The following GATAD2B variants were observed in gnomAD, a reference collection of about 807,000 sequenced individuals.
The protein encoded by GATAD2B is GATA zinc finger domain containing 2B, also known as transcriptional repressor p66-beta.
GATAD2B carries 8 observed loss-of-function variants against 64.3 expected under a neutral mutation model. The observed-to-expected ratio is 0.12, with a 90% CI of 0.07 to 0.22. The LOEUF (loss-of-function observed/expected upper bound fraction) is 0.22. GATAD2B is among the 10% of genes least tolerant of loss of function. The pLI, the probability that GATAD2B is intolerant of heterozygous loss-of-function variation, is 1.00. For missense variants in GATAD2B, 453 were observed against 752.0 expected (o/e 0.60, Z 4.65); for synonymous variants, 281 against 271.3 (o/e 1.04, Z -0.35).
chr1:153,858,287 G>C (rs1009931968), intron 1 of GATAD2B, among the ~76,000 whole-genome samples: 4 of 152,018 alleles, frequency 2.6e-5, no homozygotes, highest in Non-Finnish European at 4.4e-5. Flanking sequence ...AATCAGGCTG[G>C]GGGCATGGTG....
intron 1 of GATAD2B, among the ~76,000 whole-genome samples, chr1:153,831,129 T>A (rs1675065855): frequency 6.6e-6 from 1 of 152,188 alleles, no homozygotes; most frequent in Non-Finnish European, 1.5e-5. Flanking sequence ...TTCCCTCCCT[T>A]TTTAAAGAAT....
intron 1 of GATAD2B, among the ~76,000 whole-genome samples, chr1:153,899,652 C>T (rs559546126): frequency 6.6e-6 from 1 of 151,510 alleles, no homozygotes; most frequent in South Asian, 2.1e-4. Flanking sequence ...AATCCAAAGA[C>T]AACTGTTTTT....
intron 2 of GATAD2B, among the ~76,000 whole-genome samples, chr1:153,826,818 G>A (rs927056044): frequency 2.0e-5 from 3 of 151,808 alleles, no homozygotes. Context: ...ATGCACACCT[G>A]TAGTCCCAGC....
chr1:153,819,578 G>C (rs1674602354), intron 3 of GATAD2B, 28 bp downstream of exon 3: 1 of 1,509,618 alleles, frequency 6.6e-7, no homozygotes, highest in South Asian at 1.2e-5. Flanking sequence ...AGCATAACAA[G>C]AAGAAAGAAA....
At chr1:153,889,677 CAT>C (rs1291830185) in intron 1 of GATAD2B, 39 of 832,258 alleles carry the variant, frequency 4.7e-5, no homozygotes, top group Admixed American at 3.1e-4. Flanking sequence ...AATACACTCA[CAT>C]GTTACTTATT....
chr1:153,874,079 T>A (rs1228667932), intron 1 of GATAD2B, among the ~76,000 whole-genome samples: 1 of 151,858 alleles, frequency 6.6e-6, no homozygotes, highest in East Asian at 1.9e-4. Flanking sequence ...CTGGCCAACA[T>A]GGTGAAATCC....
At chr1:153,824,958 C>A (rs978737949) in intron 2 of GATAD2B, among the ~76,000 whole-genome samples, 2 of 151,998 alleles carry the variant, frequency 1.3e-5, no homozygotes, top group African/African-American at 4.8e-5. Context: ...CAGGGGCACA[C>A]GCCTATAGTC....
chr1:153,820,931 C>T (rs1674656134), intron 2 of GATAD2B, among the ~76,000 whole-genome samples: 1 of 149,758 alleles, frequency 6.7e-6, no homozygotes, highest in South Asian at 2.1e-4. Context: ...GCTAGCTGTC[C>T]ACTTCTCAGG....
At chr1:153,818,320 T>C (rs894015307) in intron 4 of GATAD2B, 149 bp from the exon 5 acceptor site, 8 of 584,008 alleles carry the variant, frequency 1.4e-5, no homozygotes, top group Admixed American at 7.7e-5. Flanking sequence ...TTTTCTTTTT[T>C]TTTTTTTTTT....
intron 1 of GATAD2B, among the ~76,000 whole-genome samples, chr1:153,872,490 T>C (rs1676703078): frequency 6.6e-6 from 1 of 151,842 alleles, no homozygotes. Context: ...ATATTGGTCA[T>C]GTGAAAACTT....
At chr1:153,900,403 G>C (rs1168933697) in intron 1 of GATAD2B, among the ~76,000 whole-genome samples, 1 of 151,944 alleles carries the variant, frequency 6.6e-6, no homozygotes, top group Non-Finnish European at 1.5e-5. Flanking sequence ...CTGGGCAATA[G>C]AGACTCCGTC....
chr1:153,845,131 A>T (rs985087250), intron 1 of GATAD2B, among the ~76,000 whole-genome samples: 15 of 152,216 alleles, frequency 9.9e-5, no homozygotes, highest in Admixed American at 6.5e-5. Context: ...AAACTTCTAG[A>T]GATGAAAACC....
At chr1:153,828,846 A>T (rs1039913553) in intron 1 of GATAD2B, among the ~76,000 whole-genome samples, 7 of 152,270 alleles carry the variant, frequency 4.6e-5, no homozygotes, top group Admixed American at 3.3e-4. Context: ...ATGAAGAAAA[A>T]GTGTTAACGA....
At chr1:153,885,326 CATGT>C (rs1360368114) in intron 1 of GATAD2B, among the ~76,000 whole-genome samples, 1 of 152,104 alleles carries the variant, frequency 6.6e-6, no homozygotes, top group Admixed American at 6.6e-5. Flanking sequence ...CTCTGACAGA[CATGT>C]ATGATCTCCA....
chr1:153,841,361 T>C (rs974189582), intron 1 of GATAD2B, among the ~76,000 whole-genome samples: 1 of 152,094 alleles, frequency 6.6e-6, no homozygotes, highest in African/African-American at 2.4e-5. Context: ...CATGTATCCA[T>C]CATCACAGTT....
At chr1:153,849,083 C>T (rs1192693243) in intron 1 of GATAD2B, among the ~76,000 whole-genome samples, 3 of 151,966 alleles carry the variant, frequency 2.0e-5, no homozygotes, top group African/African-American at 4.8e-5. Context: ...ACTCCTTGAG[C>T]TCAAATGATC....
At chr1:153,916,755 G>A (rs1678278337) in intron 1 of GATAD2B, among the ~76,000 whole-genome samples, 1 of 152,104 alleles carries the variant, frequency 6.6e-6, no homozygotes, top group African/African-American at 2.4e-5. Flanking sequence ...ATACAAACAT[G>A]AGATTAGTAT....
At chr1:153,911,055 G>T (rs932084333) in intron 1 of GATAD2B, among the ~76,000 whole-genome samples, 1 of 152,154 alleles carries the variant, frequency 6.6e-6, no homozygotes, top group Non-Finnish European at 1.5e-5. Context: ...AGCTTTAAGA[G>T]TATCAGTGAG....
chr1:153,819,979 T>C (rs1450777470), intron 2 of GATAD2B, among the ~76,000 whole-genome samples: 1 of 151,240 alleles, frequency 6.6e-6, no homozygotes, highest in Non-Finnish European at 1.5e-5. Flanking sequence ...GCACCTGTAG[T>C]CCCAGCTACT....
Sources: gnomAD v4.1 joint callset for allele counts (sites outside exome capture counted in the v4.1 genomes callset) on GRCh38, gnomAD v4.1.1 for gene constraint, MANE v1.5 for transcripts, NCBI Gene and HGNC (gene_info 2026-07-23, HGNC 2026-07-21) for gene names.